Variants in TCP11 observed in about 807,000 individuals in gnomAD.
The protein encoded by TCP11 is t-complex 11, also known as T-complex protein 11 homolog.
In TCP11, 34 loss-of-function variants were observed where a neutral mutation model predicts 45.0. The ratio of observed to expected loss-of-function variants is 0.76; its 90% CI spans 0.57 to 1.01. The LOEUF (loss-of-function observed/expected upper bound fraction) is 1.01, where lower values mean the gene tolerates loss of function less well. Ranked by LOEUF, TCP11 falls within the 50% of genes least tolerant of loss-of-function variation. The pLI is 0.00. For synonymous variants in TCP11, 227 were observed against 227.0 expected (o/e 1.00, Z 0.00); for missense variants, 523 against 598.1 (o/e 0.87, Z 1.31).
intron 3 of TCP11, among the ~76,000 whole-genome samples, chr6:35,132,093 T>C (rs1428262840): frequency 6.6e-6 from 1 of 152,282 alleles, no homozygotes; most frequent in African/African-American, 2.4e-5. Flanking sequence ...ATAAATGGCT[T>C]ATGTTACCTT....
At position 35,120,083 on chromosome 6, in the gene TCP11, G is replaced by A. The variant is rs545359718; in HGVS notation, c.1115+76C>T. On this transcript the variant is annotated intron_variant, in intron 8 of 9. Coordinates refer to ENST00000311875, the MANE Select transcript of TCP11 (RefSeq NM_001370687.1). The surrounding 1 kb of genome is among the most constrained non-coding windows in gnomAD (Gnocchi z 4.9). ...TTCTGTGGTTTGTGGTAGACAGTAA[G>A]CAATCGTTCATTACCTGCCTATGTT... The A allele has an allele frequency of 6.5e-7, 1 of 1,527,236 alleles. No individual in the cohort carries two copies. The highest frequency in any genetic ancestry group is 1.9e-5 in the Admixed American group (1 of 54,000). 94.6% of individuals were successfully genotyped at this position (1,527,236 alleles called of 1,614,324 possible).
At position 35,139,201 on chromosome 6, in the gene TCP11, TA is replaced by T. The variant is rs11431249; in HGVS notation, c.124+1545del. Among the ~76,000 whole-genome samples the T allele has an allele frequency of 9.6e-3, 1,261 of 131,684 alleles. 18 individuals are homozygous for T. The highest frequency in any genetic ancestry group is 0.03 in the African/African-American group (1,117 of 36,910). The allele number at this position is 131,684 out of a possible 152,430, so 86.4% of individuals were successfully genotyped here. A position where few individuals can be genotyped will look rare whatever the true frequency, so the allele number is the denominator to read the frequency against. The stretch of plus-strand genomic sequence containing the variant: ...TCCGTCTCAAAAAACAGCTAGTTTA[TA>T]AAAAAAAAAAAACCCATCAACAACA... On this transcript the variant is annotated intron_variant, in intron 2 of 9. Transcript: ENST00000311875.
chr6:35,123,473 G>A (rs951112271), intron 4 of TCP11, among the ~76,000 whole-genome samples: 1 of 151,810 alleles, frequency 6.6e-6, no homozygotes, highest in Non-Finnish European at 1.5e-5. Context: ...ATAACACTTA[G>A]TAGGCCTTTT....
At chr6:35,135,366 T>C (rs1202644079) in intron 3 of TCP11, among the ~76,000 whole-genome samples, 3 of 152,128 alleles carry the variant, frequency 2.0e-5, no homozygotes, top group Non-Finnish European at 4.4e-5. Flanking sequence ...GTAAATTCCA[T>C]GTGGCAAATT....
At chr6:35,127,385 T>C (rs1023513659) in intron 4 of TCP11, among the ~76,000 whole-genome samples, 2 of 152,088 alleles carry the variant, frequency 1.3e-5, no homozygotes, top group Non-Finnish European at 2.9e-5. Flanking sequence ...CAAAGCAAAA[T>C]GTCTCAGACT....
At chr6:35,134,700 GTTA>G (rs1780860865) in intron 3 of TCP11, among the ~76,000 whole-genome samples, 1 of 151,972 alleles carries the variant, frequency 6.6e-6, no homozygotes, top group African/African-American at 2.4e-5. Context: ...TTATTATTGT[GTTA>G]TTTTTTATTT....
At chr6:35,132,420 A>T (rs556602646) in intron 3 of TCP11, among the ~76,000 whole-genome samples, 2 of 152,234 alleles carry the variant, frequency 1.3e-5, no homozygotes, top group African/African-American at 2.4e-5. Context: ...TTATCAGTCT[A>T]ATCAGTCATT....
At chr6:35,134,835 G>T (rs907798354) in intron 3 of TCP11, among the ~76,000 whole-genome samples, 11 of 152,222 alleles carry the variant, frequency 7.2e-5, no homozygotes, top group Non-Finnish European at 1.3e-4. Context: ...AGGATGTAAT[G>T]ACTCATTTAT....
At chr6:35,123,651 C>CTTTTTTT (rs3045081) in intron 4 of TCP11, among the ~76,000 whole-genome samples, 1 of 128,028 alleles carries the variant, frequency 7.8e-6, no homozygotes, top group African/African-American at 2.9e-5. Flanking sequence ...AGTTTTCTTT[C>CTTTTTTT]TTTTTTTTTT....
In TCP11 at chr6:35,133,756, C is replaced by T. The variant is rs73405741; in HGVS notation, c.236+2351G>A. On this transcript the variant is annotated intron_variant, in intron 3 of 9. Transcript: ENST00000311875. ...AGCAAGCTGAGATCGCGCCACTGCA[C>T]ACCCCAGCTTGGCGACAAAGCGAGA... Among the ~76,000 whole-genome samples the T allele has an allele frequency of 9.8e-4, 149 of 151,692 alleles. 1 individual carries two copies. Among genetic ancestry groups the T allele is most frequent in the African/African-American group, 3.5e-3 (143 of 41,338 alleles).
chr6:35,118,525 T>C (rs1296503382), intron 9 of TCP11, 24 bp from the exon 10 acceptor site: 2 of 1,604,260 alleles, frequency 1.2e-6, no homozygotes, highest in Non-Finnish European at 1.7e-6. Flanking sequence ...AAGACACTGA[T>C]AAGGGAAAAG....
At chr6:35,121,860 A>T (rs575850265) in intron 5 of TCP11, among the ~76,000 whole-genome samples, 1 of 152,254 alleles carries the variant, frequency 6.6e-6, no homozygotes, top group South Asian at 2.1e-4. Context: ...TTAACTCCTT[A>T]AAAGAAAGAA....
At chr6:35,118,938 G>C (rs1398383043) in intron 9 of TCP11, among the ~76,000 whole-genome samples, 1 of 152,178 alleles carries the variant, frequency 6.6e-6, no homozygotes, top group African/African-American at 2.4e-5. Flanking sequence ...GGGAATGTCA[G>C]ATTTCTTGGG....
rs181821067 is a variant in TCP11 at position 35,126,204 on chromosome 6, A to G, written c.357+2858T>C. 2.3e-3 allele frequency among the ~76,000 whole-genome samples: 344 copies of G among 152,342 alleles called. 1 individual carries two copies. Among genetic ancestry groups the G allele is most frequent in the Middle Eastern group, 3.4e-3 (1 of 294 alleles). ...TTAAATAAATTTTTTAAAGCCCCCA[A>G]TATGGCCCATTCCCCAGGGAGGATC... On this transcript the variant is annotated intron_variant, in intron 4 of 9. Transcript: ENST00000311875.
chr6:35,128,020 TC>T (rs1340184757), intron 4 of TCP11, among the ~76,000 whole-genome samples: 1 of 152,220 alleles, frequency 6.6e-6, no homozygotes, highest in African/African-American at 2.4e-5. Context: ...TATTTAGTTT[TC>T]TGTGCTGTGT....
Position 35,136,144 on chromosome 6 carries a change from C to A in TCP11, c.199G>T (p.Asp67Tyr). Reference sequence around the variant, plus strand: ...AAAACCTTCTCTTCCATGTAGTAATCACAATTCATCCCAATCTTGTTGCTC... The same window carrying A: ...AAAACCTTCTCTTCCATGTAGTAATAACAATTCATCCCAATCTTGTTGCTC... ...KLSNKIGMNC[D>Y]YYMEEKVLPP... The change falls in exon 3 of 10, where the codon GAT becomes TAT. Residue 67 changes from aspartate (D) to tyrosine (Y), a missense_variant. Coordinates refer to ENST00000311875, the MANE Select transcript of TCP11 (RefSeq NM_001370687.1). The A allele has an allele frequency of 1.2e-6, 2 of 1,613,774 alleles. No individual in the cohort carries two copies. Among genetic ancestry groups the A allele is most frequent in the Non-Finnish European group, 8.5e-7 (1 of 1,179,834 alleles).
intron 2 of TCP11, chr6:35,140,465 A>G (rs561016580): frequency 1.0e-5 from 6 of 576,638 alleles, no homozygotes; most frequent in South Asian, 6.2e-5. Context: ...AATCCCCCCT[A>G]CATATTCAAA....
rs776312603 is a variant in TCP11 at position 35,120,646 on chromosome 6, C to T, written c.716G>A (p.Ser239Asn). Reference protein sequence around the residue: ...KFQELLNKQPSLLNHTTKWLT... With the variant: ...KFQELLNKQPNLLNHTTKWLT... ...CCATTTGGTGGTGTGATTAAGGAGACCTATGACAGGTAAGGGAGTGTGTAA... is the reference window on the plus strand; with the variant it reads ...CCATTTGGTGGTGTGATTAAGGAGATCTATGACAGGTAAGGGAGTGTGTAA... Residue 239 changes from serine (S) to asparagine (N), a missense_variant and splice_region_variant, in exon 7 of 10, where the codon AGT becomes AAT. Physicochemically the swap from Ser to Asn is conservative, Grantham distance 46. Coordinates refer to ENST00000311875, the MANE Select transcript of TCP11 (RefSeq NM_001370687.1). This position sits in a 1 kb window ranked among gnomAD's most constrained non-coding sequence, Gnocchi z 4.9. 15 of 1,612,610 alleles carry T rather than the reference C, an allele frequency of 9.3e-6. No individual in the cohort carries two copies. The Admixed American group carries it at 2.5e-4, about 27-fold the overall frequency.
intron 5 of TCP11, 56 bp downstream of exon 5, chr6:35,122,061 C>T (rs1004855397): frequency 9.5e-6 from 15 of 1,580,434 alleles, no homozygotes; most frequent in Non-Finnish European, 1.2e-5. Flanking sequence ...TCTGGCCCAG[C>T]TTTTCCGGGC....
Sources: gnomAD v4.1 joint callset for allele counts (sites outside exome capture counted in the v4.1 genomes callset) on GRCh38, gnomAD v4.1.1 for gene constraint, Gnocchi (gnomAD v3.1) non-coding constraint, MANE v1.5 for transcripts, NCBI Gene and HGNC (gene_info 2026-07-23, HGNC 2026-07-21) for gene names.